Variants in PRKG1 observed in about 807,000 individuals in gnomAD.
PRKG1 encodes protein kinase cGMP-dependent 1.
PRKG1 carries 35 observed loss-of-function variants against 88.1 expected under a neutral mutation model. That is an observed-to-expected ratio of 0.40 (90% CI 0.30 to 0.53). PRKG1 has a LOEUF of 0.53. Among genes scored for constraint, PRKG1 ranks in the 20% least tolerant of loss-of-function variants. The pLI is 0.59. For missense variants in PRKG1, 540 were observed against 839.8 expected (o/e 0.64, Z 4.41); for synonymous variants, 303 against 292.5 (o/e 1.04, Z -0.37).
intron 10 of PRKG1, among the ~76,000 whole-genome samples, chr10:52,267,445 G>GT (rs1010249390): frequency 6.6e-6 from 1 of 152,050 alleles, no homozygotes; most frequent in African/African-American, 2.4e-5. Flanking sequence ...AGACTTGCAA[G>GT]TTTTTTCATG....
At chr10:51,549,101 C>CCTTT (rs1426490390) in intron 3 of PRKG1, among the ~76,000 whole-genome samples, 1 of 128,854 alleles carries the variant, frequency 7.8e-6, no homozygotes, top group Non-Finnish European at 1.7e-5. Context: ...TTCCTTCTTT[C>CCTTT]CTTTCTTTCT....
At chr10:52,212,618 G>A (rs993301380) in intron 9 of PRKG1, among the ~76,000 whole-genome samples, 21 of 149,642 alleles carry the variant, frequency 1.4e-4, no homozygotes, top group African/African-American at 4.7e-4. Flanking sequence ...GTGGTGTAGG[G>A]GAGAGAGAGA....
chr10:51,268,063 G>A (rs926452052), intron 2 of PRKG1, among the ~76,000 whole-genome samples: 3 of 152,068 alleles, frequency 2.0e-5, no homozygotes, highest in East Asian at 1.9e-4. Flanking sequence ...GGTGTCCAGG[G>A]GAGACATCAC....
At chr10:51,527,876 G>A (rs969252031) in intron 3 of PRKG1, among the ~76,000 whole-genome samples, 1 of 152,128 alleles carries the variant, frequency 6.6e-6, no homozygotes, top group Non-Finnish European at 1.5e-5. Flanking sequence ...TGCAGAGATA[G>A]CCAATACTAA....
At chr10:51,119,491 AG>A (rs1845211308) in intron 1 of PRKG1, among the ~76,000 whole-genome samples, 1 of 152,070 alleles carries the variant, frequency 6.6e-6, no homozygotes, top group South Asian at 2.1e-4. Context: ...ATGCTTCTCA[AG>A]AAAAAAGAAT....
intron 2 of PRKG1, among the ~76,000 whole-genome samples, chr10:51,169,720 T>C (rs1430410408): frequency 6.6e-6 from 1 of 152,184 alleles, no homozygotes; most frequent in African/African-American, 2.4e-5. Flanking sequence ...TTGGCAGACA[T>C]GAACTTGAAT....
intron 5 of PRKG1, among the ~76,000 whole-genome samples, chr10:51,985,890 C>A (rs1469034697): frequency 6.6e-6 from 1 of 152,064 alleles, no homozygotes; most frequent in Non-Finnish European, 1.5e-5. Context: ...ATATTGAAGT[C>A]AAAAATGCAT....
At chr10:51,769,192 A>T (rs1317969776) in intron 3 of PRKG1, among the ~76,000 whole-genome samples, 1 of 152,160 alleles carries the variant, frequency 6.6e-6, no homozygotes, top group East Asian at 1.9e-4. Flanking sequence ...CTGAATCAGA[A>T]CTCTGAGGGG....
At chr10:51,134,881 T>C (rs1845652785) in intron 1 of PRKG1, among the ~76,000 whole-genome samples, 1 of 152,082 alleles carries the variant, frequency 6.6e-6, no homozygotes, top group South Asian at 2.1e-4. Context: ...AAGTAGAATA[T>C]CACCCAATAA....
At chr10:51,741,054 TAA>T (rs1837420925) in intron 3 of PRKG1, among the ~76,000 whole-genome samples, 1 of 152,058 alleles carries the variant, frequency 6.6e-6, no homozygotes, top group Non-Finnish European at 1.5e-5. Flanking sequence ...CATACAATGC[TAA>T]GTTTCTGAAT....
intron 1 of PRKG1, among the ~76,000 whole-genome samples, chr10:51,098,051 A>G (rs1188996053): frequency 6.6e-6 from 1 of 152,110 alleles, no homozygotes; most frequent in African/African-American, 2.4e-5. Flanking sequence ...CTTAGCTCCT[A>G]TGTGAGCATG....
chr10:51,810,998 T>C (rs1361886406), intron 4 of PRKG1, among the ~76,000 whole-genome samples: 1 of 152,198 alleles, frequency 6.6e-6, no homozygotes, highest in Non-Finnish European at 1.5e-5. Flanking sequence ...ATCTAAGATG[T>C]GATGTCATTT....
At chr10:51,347,685 T>C (rs1842144412) in intron 2 of PRKG1, among the ~76,000 whole-genome samples, 1 of 152,178 alleles carries the variant, frequency 6.6e-6, no homozygotes, top group Admixed American at 6.5e-5. Context: ...ACAATCATCG[T>C]TCTTCTTGAA....
In PRKG1 at chr10:52,285,141, C is replaced by A. The variant is rs191181440; in HGVS notation, c.1709+2825C>A. On this transcript the variant is annotated intron_variant, in intron 14 of 17. Coordinates refer to ENST00000373980, the MANE Select transcript of PRKG1 (RefSeq NM_006258.4). ...CTTACAACCCCAGCCCCCTTCCATG[C>A]ATACACACCAACTCCTTTCTTACTG... Among the ~76,000 whole-genome samples, 170 of 152,074 alleles carry A rather than the reference C, an allele frequency of 1.1e-3. 3 individuals carry two copies. In the East Asian group the frequency reaches 0.023, roughly 21 times the overall value.
intron 1 of PRKG1, among the ~76,000 whole-genome samples, chr10:50,993,155 G>A (rs1429917340): frequency 6.6e-6 from 1 of 152,218 alleles, no homozygotes; most frequent in African/African-American, 2.4e-5. Flanking sequence ...GAGCCAGGGA[G>A]GCTGAGCAGC....
intron 9 of PRKG1, among the ~76,000 whole-genome samples, chr10:52,186,297 T>A (rs959948191): frequency 2.6e-5 from 4 of 152,044 alleles, no homozygotes; most frequent in African/African-American, 9.7e-5. Context: ...AGGTGGAGCA[T>A]CCCAGACTTT....
At chr10:51,807,609 A>G (rs960076132) in intron 4 of PRKG1, among the ~76,000 whole-genome samples, 11 of 152,158 alleles carry the variant, frequency 7.2e-5, no homozygotes, top group African/African-American at 2.4e-4. Flanking sequence ...TGCTCTAATG[A>G]TAGTGGCCTA....
chr10:52,196,516 C>T (rs1839511359), intron 9 of PRKG1, among the ~76,000 whole-genome samples: 1 of 152,310 alleles, frequency 6.6e-6, no homozygotes, highest in East Asian at 1.9e-4. Context: ...AAAAGCAAGG[C>T]TCACCAGCTT....
intron 3 of PRKG1, among the ~76,000 whole-genome samples, chr10:51,723,035 C>A (rs150800111): frequency 6.6e-6 from 1 of 152,102 alleles, no homozygotes; most frequent in African/African-American, 2.4e-5. Flanking sequence ...CAGGTTTTGG[C>A]TCTTTTATCT....
Sources: allele counts gnomAD v4.1 joint callset (sites outside exome capture counted in the v4.1 genomes callset), GRCh38; gene constraint gnomAD v4.1.1; transcripts MANE v1.5; gene names NCBI Gene and HGNC (gene_info 2026-07-23, HGNC 2026-07-21).